SGK3: variants seen among roughly 807,000 people sequenced by gnomAD.
SGK3 encodes serum/glucocorticoid regulated kinase family member 3.
SGK3 carries 47 observed loss-of-function variants against 68.5 expected under a neutral mutation model. The observed-to-expected ratio is 0.69, with a 90% confidence interval of 0.54 to 0.87. The LOEUF is 0.87. SGK3 is among the 40% of genes least tolerant of loss of function. The probability of loss-of-function intolerance (pLI) is 0.00; values close to 1 mark genes in which losing one functional copy is unlikely to be tolerated. For synonymous variants in SGK3, 181 were observed against 189.1 expected (o/e 0.96, Z 0.35); for missense variants, 479 against 575.5 (o/e 0.83, Z 1.72).
At chr8:66,799,984 T>G (rs1177631642) in intron 3 of SGK3, among the ~76,000 whole-genome samples, 2 of 152,144 alleles carry the variant, frequency 1.3e-5, no homozygotes, top group Non-Finnish European at 2.9e-5. Context: ...TCTCCCAGTG[T>G]CATTGTTTAA....
At chr8:66,790,071 C>T (rs1252125193) in intron 1 of SGK3, among the ~76,000 whole-genome samples, 2 of 151,824 alleles carry the variant, frequency 1.3e-5, no homozygotes, top group East Asian at 3.9e-4. Flanking sequence ...GAGTGAGACC[C>T]CATCTCAAAA....
chr8:66,813,166 G>A (rs1808446942), intron 4 of SGK3, among the ~76,000 whole-genome samples: 2 of 152,042 alleles, frequency 1.3e-5, no homozygotes, highest in South Asian at 4.2e-4. Flanking sequence ...AGGCAGGAGG[G>A]TTGCTTGAGC....
At position 66,780,590 on chromosome 8, in the gene SGK3, T is replaced by C. The variant is rs541178820; in HGVS notation, c.-121-13026T>C. ...CCAGACAGAGGGGCCACTGGTACAA[T>C]AGACGAGATGGGAGAGGGCTTGGAA... On this transcript the variant is annotated intron_variant, in intron 1 of 16. Transcript: ENST00000521198. Among the ~76,000 whole-genome samples, 4 of 152,166 alleles carry C rather than the reference T, an allele frequency of 2.6e-5. No individual in the cohort carries two copies. In the East Asian group the frequency reaches 7.7e-4, roughly 29 times the overall value.
At chr8:66,795,977 A>G (rs1319103772) in intron 2 of SGK3, among the ~76,000 whole-genome samples, 1 of 152,108 alleles carries the variant, frequency 6.6e-6, no homozygotes, top group Non-Finnish European at 1.5e-5. Flanking sequence ...AGGAATTCAA[A>G]TAAGTATTTG....
chr8:66,780,675 G>T (rs2130524838), intron 1 of SGK3, among the ~76,000 whole-genome samples: 1 of 152,296 alleles, frequency 6.6e-6, no homozygotes, highest in East Asian at 1.9e-4. Context: ...AGAGGCGAGA[G>T]GCCCTGGTGG....
At chr8:66,736,953 T>A (rs1312207045) in intron 1 of SGK3, among the ~76,000 whole-genome samples, 1 of 151,882 alleles carries the variant, frequency 6.6e-6, no homozygotes, top group African/African-American at 2.4e-5. Flanking sequence ...TTTAAAAAAA[T>A]ATTTAGTAGA....
At chr8:66,810,945 T>G (rs1174920829) in intron 4 of SGK3, among the ~76,000 whole-genome samples, 1 of 152,214 alleles carries the variant, frequency 6.6e-6, no homozygotes, top group African/African-American at 2.4e-5. Flanking sequence ...CTGCCTGTAC[T>G]TTTTGTTAAC....
At chr8:66,731,908 T>C (rs1391707432) in intron 1 of SGK3, among the ~76,000 whole-genome samples, 1 of 152,220 alleles carries the variant, frequency 6.6e-6, no homozygotes, top group Non-Finnish European at 1.5e-5. Context: ...GTCTGTGTAT[T>C]AGGATTTACT....
chr8:66,760,909 T>A (rs1479403199), intron 1 of SGK3, among the ~76,000 whole-genome samples: 1 of 151,506 alleles, frequency 6.6e-6, no homozygotes, highest in Non-Finnish European at 1.5e-5. Flanking sequence ...CCCAGCTACT[T>A]GGGAGGCTGA....
At chr8:66,747,409 C>G (rs1253028385) in intron 1 of SGK3, among the ~76,000 whole-genome samples, 1 of 152,148 alleles carries the variant, frequency 6.6e-6, no homozygotes, top group Non-Finnish European at 1.5e-5. Flanking sequence ...AACAGCCACA[C>G]AGTTTTCTGA....
intron 6 of SGK3, among the ~76,000 whole-genome samples, chr8:66,825,329 CTTTT>C (rs11347366): frequency 8.1e-5 from 10 of 123,038 alleles, no homozygotes; most frequent in Middle Eastern, 4.0e-3. Flanking sequence ...TTATTAAGGA[CTTTT>C]TTTTTTTTTT....
chr8:66,805,242 G>A (rs755335629), intron 4 of SGK3, among the ~76,000 whole-genome samples: 18 of 152,170 alleles, frequency 1.2e-4, no homozygotes, highest in South Asian at 6.2e-4. Context: ...ATCCTAAGCC[G>A]GGCACGGTGG....
At chr8:66,845,956 A>T (rs192899245) in intron 14 of SGK3, among the ~76,000 whole-genome samples, 5 of 152,258 alleles carry the variant, frequency 3.3e-5, no homozygotes, top group African/African-American at 1.2e-4. Flanking sequence ...AAAGAAAAAA[A>T]TGTCATTTTA....
chr8:66,776,731 A>G (rs1045079092), intron 1 of SGK3, among the ~76,000 whole-genome samples: 7 of 152,208 alleles, frequency 4.6e-5, no homozygotes, highest in African/African-American at 1.7e-4. Context: ...TTCCAGCACT[A>G]TCCTGCTTGG....
At chr8:66,845,483 C>T (rs1285351015) in intron 14 of SGK3, among the ~76,000 whole-genome samples, 1 of 152,118 alleles carries the variant, frequency 6.6e-6, no homozygotes, top group Non-Finnish European at 1.5e-5. Flanking sequence ...AGTGGCAAGC[C>T]TATAAAACTC....
intron 14 of SGK3, among the ~76,000 whole-genome samples, chr8:66,845,556 C>T (rs923416341): frequency 3.3e-5 from 5 of 152,034 alleles, no homozygotes; most frequent in African/African-American, 1.2e-4. Context: ...GACAGAGTCT[C>T]ACTGTGTTGC....
At chr8:66,770,391 C>T (rs1033050187) in intron 1 of SGK3, among the ~76,000 whole-genome samples, 3 of 152,030 alleles carry the variant, frequency 2.0e-5, no homozygotes, top group Non-Finnish European at 4.4e-5. Context: ...GGATATTTTT[C>T]TATTCTTACA....
chr8:66,825,415 G>A (rs971812865), intron 6 of SGK3, among the ~76,000 whole-genome samples: 1 of 146,138 alleles, frequency 6.8e-6, no homozygotes, highest in African/African-American at 2.5e-5. Flanking sequence ...TGCAAGCTCC[G>A]CCTCCCAGGT....
chr8:66,787,278 C>G (rs1348034245), intron 1 of SGK3, among the ~76,000 whole-genome samples: 1 of 152,044 alleles, frequency 6.6e-6, no homozygotes, highest in Admixed American at 6.6e-5. Context: ...GCATGATGAG[C>G]ACTCAATAAG....
Sources: allele counts gnomAD v4.1 joint callset (sites outside exome capture counted in the v4.1 genomes callset), GRCh38; gene constraint gnomAD v4.1.1; transcripts MANE v1.5; gene names NCBI Gene and HGNC (gene_info 2026-07-23, HGNC 2026-07-21).